The following PLEKHA7 variants were observed in gnomAD, a reference collection of about 807,000 sequenced individuals.
The protein encoded by PLEKHA7 is pleckstrin homology domain-containing family A member 7.
Under a neutral mutation model 170.0 loss-of-function variants are expected in PLEKHA7, and 104 were observed. The observed-to-expected ratio is 0.61, with a 90% CI of 0.52 to 0.72. The LOEUF (loss-of-function observed/expected upper bound fraction) is 0.72. Ranked by LOEUF, PLEKHA7 falls within the 30% of genes least tolerant of loss-of-function variation. The probability of loss-of-function intolerance (pLI) is 0.00; values close to 1 mark genes in which losing one functional copy is unlikely to be tolerated. For synonymous variants in PLEKHA7, 648 were observed against 660.8 expected (o/e 0.98, Z 0.30); for missense variants, 1,615 against 1,671.7 (o/e 0.97, Z 0.59).
chr11:16,915,160 C>G (rs1428722577), intron 3 of PLEKHA7, among the ~76,000 whole-genome samples: 1 of 152,204 alleles, frequency 6.6e-6, no homozygotes, highest in African/African-American at 2.4e-5. Flanking sequence ...AAGGCCCTCT[C>G]CAGAGGTGTC....
chr11:16,874,425 C>G (rs1291632213), intron 3 of PLEKHA7, among the ~76,000 whole-genome samples: 1 of 151,918 alleles, frequency 6.6e-6, no homozygotes, highest in Non-Finnish European at 1.5e-5. Context: ...GAGGATCACC[C>G]GAGCCCAGGA....
intron 3 of PLEKHA7, among the ~76,000 whole-genome samples, chr11:17,001,496 C>T (rs540235987): frequency 3.9e-5 from 6 of 152,216 alleles, no homozygotes; most frequent in South Asian, 2.1e-4. Flanking sequence ...TCTTCCGAGA[C>T]GAGGACAAGC....
intron 3 of PLEKHA7, among the ~76,000 whole-genome samples, chr11:16,981,485 G>A (rs775089136): frequency 2.0e-5 from 3 of 152,126 alleles, no homozygotes; most frequent in Non-Finnish European, 4.4e-5. Context: ...ACCCCTCAGT[G>A]ATGCTCCAGA....
intron 3 of PLEKHA7, 45 bp downstream of exon 3, chr11:17,013,944 C>CT (rs1216396865): frequency 1.2e-5 from 17 of 1,452,386 alleles, no homozygotes; most frequent in Non-Finnish European, 1.4e-5. Flanking sequence ...GGAGGGACCC[C>CT]CCCCCCGCGG....
At chr11:16,983,099 T>G (rs2136873155) in intron 3 of PLEKHA7, among the ~76,000 whole-genome samples, 1 of 152,308 alleles carries the variant, frequency 6.6e-6, no homozygotes, top group East Asian at 1.9e-4. Flanking sequence ...AGTAAACCTT[T>G]GCTTCATGGA....
At chr11:16,969,978 A>G (rs985703788) in intron 3 of PLEKHA7, among the ~76,000 whole-genome samples, 25 of 152,358 alleles carry the variant, frequency 1.6e-4, no homozygotes, top group Non-Finnish European at 2.9e-4. Context: ...AAAGACAACG[A>G]GTAAACTAAA....
chr11:16,804,008 C>T (rs902258443), intron 13 of PLEKHA7, among the ~76,000 whole-genome samples: 2 of 152,194 alleles, frequency 1.3e-5, no homozygotes, highest in East Asian at 3.9e-4. Flanking sequence ...TTTACATTTC[C>T]CATCCCTCAC....
intron 4 of PLEKHA7, among the ~76,000 whole-genome samples, chr11:16,869,722 G>A (rs1385887614): frequency 1.3e-5 from 2 of 152,120 alleles, no homozygotes; most frequent in African/African-American, 4.8e-5. Context: ...TGTTGAAGAT[G>A]GGCAATGAGT....
At chr11:16,797,302 G>A (rs1322255087) in intron 17 of PLEKHA7, among the ~76,000 whole-genome samples, 1 of 152,002 alleles carries the variant, frequency 6.6e-6, no homozygotes, top group Non-Finnish European at 1.5e-5. Flanking sequence ...CCCACCCCAT[G>A]GACTAAAATA....
intron 19 of PLEKHA7, among the ~76,000 whole-genome samples, chr11:16,792,630 C>T (rs1022915829): frequency 6.6e-6 from 1 of 152,136 alleles, no homozygotes; most frequent in East Asian, 1.9e-4. Context: ...AAAGAACCCA[C>T]AGGCTTCTGG....
rs542922551 is a variant in PLEKHA7 at position 16,918,021 on chromosome 11, A to G, written c.222-46839T>C. 3.3e-5 allele frequency among the ~76,000 whole-genome samples: 5 copies of G among 152,208 alleles called. No homozygotes were observed. The East Asian group carries it at 9.6e-4, about 29-fold the overall frequency. On this transcript the variant is annotated intron_variant, in intron 3 of 26. Transcript: ENST00000531066. ...TCCAGGTTTCTTCAGCTAACGTGGA[A>G]GCAGCCCACATCTCACCTCCACAGC...
At chr11:16,841,923 A>C (rs1283731006) in intron 8 of PLEKHA7, among the ~76,000 whole-genome samples, 1 of 146,742 alleles carries the variant, frequency 6.8e-6, no homozygotes, top group South Asian at 2.1e-4. Flanking sequence ...CTGTTCCCCA[A>C]AGTAAAAGCC....
intron 3 of PLEKHA7, among the ~76,000 whole-genome samples, chr11:16,893,284 C>T (rs903399801): frequency 1.3e-5 from 2 of 152,208 alleles, no homozygotes; most frequent in African/African-American, 4.8e-5. Context: ...TCCTGCATCA[C>T]GGTATTTCCT....
At chr11:16,995,533 T>C (rs10832712) in intron 3 of PLEKHA7, among the ~76,000 whole-genome samples, 60,686 of 152,072 alleles carry the variant, frequency 0.4, 12,730 homozygotes, top group East Asian at 0.57. Context: ...ACTCTCCATG[T>C]AGCACCTGCA....
At chr11:16,931,099 T>C (rs1018259014) in intron 3 of PLEKHA7, among the ~76,000 whole-genome samples, 30 of 152,240 alleles carry the variant, frequency 2.0e-4, no homozygotes, top group African/African-American at 7.2e-4. Flanking sequence ...AATAGCTTTA[T>C]TGATTTTTTA....
chr11:16,906,988 G>A (rs1441830561), intron 3 of PLEKHA7, among the ~76,000 whole-genome samples: 3 of 149,812 alleles, frequency 2.0e-5, no homozygotes, highest in Non-Finnish European at 3.0e-5. Context: ...TGTCTGAGAA[G>A]TGAGGAGACC....
chr11:16,888,150 C>T (rs990665940), intron 3 of PLEKHA7, among the ~76,000 whole-genome samples: 1 of 151,990 alleles, frequency 6.6e-6, no homozygotes, highest in African/African-American at 2.4e-5. Flanking sequence ...AGGAGCCCCT[C>T]CACCCGGCAG....
intron 9 of PLEKHA7, among the ~76,000 whole-genome samples, chr11:16,833,354 T>C (rs992819687): frequency 6.6e-6 from 1 of 152,104 alleles, no homozygotes; most frequent in Non-Finnish European, 1.5e-5. Context: ...GTTGTAGGGA[T>C]TGACAAACCA....
rs1036896619 is a variant in PLEKHA7, at chr11:16,795,177, A to G, written c.2410-159T>C. On this transcript the variant is annotated intron_variant, in intron 17 of 26. Transcript: ENST00000531066. ...AACCAAGCCTGCTTCATAGCTTTCT[A>G]GGTAAGCATAGACAAGGAAAATGCC... 4 of 603,430 alleles carry G rather than the reference A, an allele frequency of 6.6e-6. No homozygotes were observed. In the Admixed American group the frequency reaches 8.7e-5, roughly 13 times the overall value. The allele number at this position is 603,430 out of a possible 1,614,324, so 37.4% of individuals were successfully genotyped here.
Sources: gnomAD v4.1 joint callset for allele counts (sites outside exome capture counted in the v4.1 genomes callset) on GRCh38, gnomAD v4.1.1 for gene constraint, MANE v1.5 for transcripts, NCBI Gene and HGNC (gene_info 2026-07-23, HGNC 2026-07-21) for gene names.